Variants in AGAP2 observed in about 807,000 individuals in gnomAD.
AGAP2 encodes the protein arf-GAP with GTPase, ANK repeat and PH domain-containing protein 2.
AGAP2 carries 32 observed loss-of-function variants against 110.9 expected under a neutral mutation model. The ratio of observed to expected loss-of-function variants is 0.29; its 90% CI spans 0.22 to 0.39. AGAP2 has a LOEUF of 0.39. AGAP2 is among the 10% of genes least tolerant of loss of function. The pLI, the probability that AGAP2 is intolerant of heterozygous loss-of-function variation, is 1.00. For synonymous variants in AGAP2, 702 were observed against 713.0 expected (o/e 0.98, Z 0.25); for missense variants, 1,285 against 1,638.5 (o/e 0.78, Z 3.72).
rs909797062 is a variant in AGAP2, at chr12:57,735,353, G to C, written c.1227+16C>G. ...AGGTCAGCCTTCCCTATAGGCAAGG[G>C]GACTGGGTTACCTACCAGGCGCAGT... is the stretch of plus-strand genomic sequence containing the variant. On this transcript the variant is annotated intron_variant, in intron 2 of 18. Coordinates refer to ENST00000547588, the MANE Select transcript of AGAP2 (RefSeq NM_001122772.3). 6.2e-7 allele frequency: 1 copy of C among 1,613,572 alleles called. No individual in the cohort carries two copies. Among genetic ancestry groups the C allele is most frequent in the Non-Finnish European group, 8.5e-7 (1 of 1,179,722 alleles).
chr12:57,741,953 T>C, upstream of AGAP2: 1 of 1,614,140 alleles, frequency 6.2e-7, no homozygotes, highest in Non-Finnish European at 8.5e-7. Flanking sequence ...GTCCTGGAGT[T>C]CGGGGTCGTC....
rs930003620 is a variant in AGAP2, at chr12:57,732,968, C to G, written c.1561G>C (p.Ala521Pro). Residue 521 changes from alanine (A) to proline (P), a missense_variant, in exon 6 of 19, where the codon GCT (alanine) becomes CCT (proline). By Grantham distance (27) the Ala-to-Pro change is conservative (BLOSUM62 -1). Transcript: ENST00000547588. The stretch of plus-strand genomic sequence containing the variant: ...TCTCCCACCACCCGAGGGGAGGAAG[C>G]ACTGATCCTGTCTGAGGGGACAGGA... ...ALVGTQDRISASSPRVVGDAR... is the reference protein window; with the variant it reads ...ALVGTQDRISPSSPRVVGDAR... 1 of 1,613,982 alleles carries G rather than the reference C, an allele frequency of 6.2e-7. No homozygotes were observed. Among genetic ancestry groups the G allele is most frequent in the Admixed American group, 1.7e-5 (1 of 60,024 alleles).
rs754758960 is a variant in AGAP2, at chr12:57,727,662, G to A, written c.2857+19C>T. On this transcript the variant is annotated intron_variant, in intron 16 of 18. Coordinates refer to ENST00000547588, the MANE Select transcript of AGAP2 (RefSeq NM_001122772.3). ...ATTCACTACACTCCCTAGCCCCTCCGCTGCCTCCTGGCACTCACTGGGGGC... is the reference window on the plus strand; with the variant it reads ...ATTCACTACACTCCCTAGCCCCTCCACTGCCTCCTGGCACTCACTGGGGGC... The A allele has an allele frequency of 1.4e-5, 23 of 1,598,210 alleles. No individual in the cohort carries two copies. Among genetic ancestry groups the A allele is most frequent in the South Asian group, 2.2e-5 (2 of 89,528 alleles).
At chr12:57,731,768 G>A in intron 8 of AGAP2, 41 bp downstream of exon 8, 1 of 1,558,450 alleles carries the variant, frequency 6.4e-7, no homozygotes, top group Non-Finnish European at 8.7e-7. Context: ...GCAGGTCATG[G>A]GGGACAGGAG....
intron 2 of AGAP2, 44 bp downstream of exon 2, chr12:57,735,325 G>A: frequency 2.6e-6 from 4 of 1,565,512 alleles, no homozygotes; most frequent in African/African-American, 1.4e-5. Flanking sequence ...TGCAGTGGGT[G>A]GGAGGTCAGC....
In AGAP2 at chr12:57,727,530, A is replaced by G. The variant is rs1954794358; in HGVS notation, c.2910T>C (p.Ser970=). Residue 970 remains serine, a synonymous_variant, in exon 17 of 19, where the codon TCT becomes TCC. Transcript: ENST00000547588. ...GTGTGCCCAGGTTGCGGTGGATGCC[A>G]GAACACTCGATGCAGATGAGGGCGC... ...NLGALICIEC[S]GIHRNLGTHL... 6.2e-7 allele frequency: 1 copy of G among 1,612,496 alleles called. No individual in the cohort carries two copies. Among genetic ancestry groups the G allele is most frequent in the South Asian group, 1.1e-5 (1 of 90,994 alleles).
Position 57,737,991 on chromosome 12 carries a change from C to G in AGAP2, c.256G>C (p.Gly86Arg), listed in dbSNP as rs1280432156. 8.2e-6 allele frequency: 12 copies of G among 1,456,660 alleles called. No individual in the cohort carries two copies. The highest frequency in any genetic ancestry group is 1.1e-5 in the Non-Finnish European group (12 of 1,111,094). 90.2% of individuals were successfully genotyped at this position (1,456,660 alleles called of 1,614,324 possible). The change falls in exon 1 of 19, where the codon GGG (glycine) becomes CGG (arginine). Residue 86 changes from glycine (G) to arginine (R), a missense_variant. Coordinates refer to ENST00000547588, the MANE Select transcript of AGAP2 (RefSeq NM_001122772.3). The surrounding 1 kb of genome is among the most constrained non-coding windows in gnomAD (Gnocchi z 5.9). ...GACAGGGCTGGGGGCTCCGCGCCCC[C>G]GGTGCCCGCGCTGCTCGTGCTGATC... is the stretch of plus-strand genomic sequence containing the variant. ...LWISTSSAGTGGAEPPALSPA... is the reference protein window; with the variant it reads ...LWISTSSAGTRGAEPPALSPA...
rs953514533 is a variant in AGAP2 at position 57,737,064 on chromosome 12, C to T, written c.1168+15G>A. On this transcript the variant is annotated intron_variant, in intron 1 of 18. Transcript: ENST00000547588. This position sits in a 1 kb window ranked among gnomAD's most constrained non-coding sequence, Gnocchi z 5.9. Reference sequence around the variant, plus strand: ...TACCCTTCCCTCCCTGTTCTCAAGCCCTGACTCAACTCACTAGGGGAAGCG... The same window carrying T: ...TACCCTTCCCTCCCTGTTCTCAAGCTCTGACTCAACTCACTAGGGGAAGCG... The T allele has an allele frequency of 4.0e-6, 6 of 1,501,368 alleles. No individual in the cohort carries two copies. The highest frequency in any genetic ancestry group is 5.3e-6 in the Non-Finnish European group (6 of 1,125,318). 93.0% of individuals were successfully genotyped at this position (1,501,368 alleles called of 1,614,324 possible). A position where few individuals can be genotyped will look rare whatever the true frequency, so the allele number is the denominator to read the frequency against.
In AGAP2 at chr12:57,726,381, G is replaced by C; in HGVS notation, c.*171C>G. On this transcript the variant is annotated 3_prime_UTR_variant, in exon 19 of 19. Coordinates refer to ENST00000547588, the MANE Select transcript of AGAP2 (RefSeq NM_001122772.3). This position sits in a 1 kb window ranked among gnomAD's most constrained non-coding sequence, Gnocchi z 5.7. ...CATGCCTCGTTGGGGAGAGGGAGGT[G>C]AGTTTGTGTCTTCTGGAAGGCGTGG... 2 of 519,922 alleles carry C rather than the reference G, an allele frequency of 3.8e-6. No individual in the cohort carries two copies. Among genetic ancestry groups the C allele is most frequent in the Non-Finnish European group, 5.5e-6 (2 of 365,954 alleles). 32.2% of individuals were successfully genotyped at this position (519,922 alleles called of 1,614,324 possible).
At position 57,737,308 on chromosome 12, in the gene AGAP2, G is replaced by A; in HGVS notation, c.939C>T (p.Pro313=). 3 of 1,613,742 alleles carry A rather than the reference G, an allele frequency of 1.9e-6. No individual in the cohort carries two copies. Among genetic ancestry groups the A allele is most frequent in the African/African-American group, 1.3e-5 (1 of 75,048 alleles). The change falls in exon 1 of 19, where the codon CCC becomes CCT. Residue 313 remains proline (P), a synonymous_variant. Transcript: ENST00000547588. This position sits in a 1 kb window ranked among gnomAD's most constrained non-coding sequence, Gnocchi z 5.9. ...TAVTAASAQP[P]GPAPPITLEP... ...CCAGAGTGATTGGAGGTGCAGGCCC[G>A]GGGGGCTGCGCGGAAGCAGCGGTGA...
chr12:57,728,627 G>A (rs1056605543), intron 13 of AGAP2, among the ~76,000 whole-genome samples: 4 of 152,316 alleles, frequency 2.6e-5, no homozygotes, highest in East Asian at 1.9e-4. Context: ...CTGAGCACCC[G>A]GCAGAGAGCA....
chr12:57,726,402 C>G lies in AGAP2; in HGVS notation c.*150G>C, dbSNP rs1676138068. On this transcript the variant is annotated 3_prime_UTR_variant, in exon 19 of 19. Transcript: ENST00000547588. This position sits in a 1 kb window ranked among gnomAD's most constrained non-coding sequence, Gnocchi z 5.7. ...AGGTGAGTTTGTGTCTTCTGGAAGG[C>G]GTGGGGGCTGTGCCCTCGTGGGGGT... The G allele has an allele frequency of 1.4e-6, 1 of 736,776 alleles. No individual in the cohort carries two copies. The highest frequency in any genetic ancestry group is 6.6e-5 in the South Asian group (1 of 15,098). The allele number at this position is 736,776 out of a possible 1,614,324, so 45.6% of individuals were successfully genotyped here.
At chr12:57,734,519 C>G (rs910581655) in intron 3 of AGAP2, 73 bp downstream of exon 3, 2 of 1,591,410 alleles carry the variant, frequency 1.3e-6, no homozygotes, top group African/African-American at 2.7e-5. Flanking sequence ...GTCTCCACAC[C>G]TGCCTAATCA....
intron 6 of AGAP2, 44 bp from the exon 7 acceptor site, chr12:57,732,556 C>T (rs775677939): frequency 2.0e-6 from 3 of 1,514,228 alleles, no homozygotes; most frequent in South Asian, 2.4e-5. Flanking sequence ...GCCAGATACC[C>T]AAGACCACCC....
In AGAP2 at chr12:57,737,794, G is replaced by T. The variant is rs1197295606; in HGVS notation, c.453C>A (p.Gly151=). Residue 151 remains glycine, a synonymous_variant, in exon 1 of 19, where the codon GGC becomes GGA. Transcript: ENST00000547588. The surrounding 1 kb of genome is among the most constrained non-coding windows in gnomAD (Gnocchi z 5.9). ...CCGCCCGGCCTTCGGGCTCCGGGCC[G>T]CCCCAGCTCGGGCTGCTGAGCAGGG... ...RRPLLSSPSW[G]GPEPEGRAGG... 1 of 1,527,578 alleles carries T rather than the reference G, an allele frequency of 6.5e-7. No individual in the cohort carries two copies. The highest frequency in any genetic ancestry group is 8.7e-7 in the Non-Finnish European group (1 of 1,143,486). 94.6% of individuals were successfully genotyped at this position (1,527,578 alleles called of 1,614,324 possible). A position where few individuals can be genotyped will look rare whatever the true frequency, so the allele number is the denominator to read the frequency against.
At position 57,737,320 on chromosome 12, in the gene AGAP2, G is replaced by A; in HGVS notation, c.927C>T (p.Ser309=). Reference sequence around the variant, plus strand: ...GAGGTGCAGGCCCGGGGGGCTGCGCGGAAGCAGCGGTGACAGCAGTGGCTG... The same window carrying A: ...GAGGTGCAGGCCCGGGGGGCTGCGCAGAAGCAGCGGTGACAGCAGTGGCTG... The part of the protein sequence containing the change: ...PSPATAVTAA[S]AQPPGPAPPI... Residue 309 remains serine (S), a synonymous_variant, in exon 1 of 19, where the codon TCC becomes TCT. Transcript: ENST00000547588. The surrounding 1 kb of genome is among the most constrained non-coding windows in gnomAD (Gnocchi z 5.9). 2 of 1,613,848 alleles carry A rather than the reference G, an allele frequency of 1.2e-6. No homozygotes were observed. Among genetic ancestry groups the A allele is most frequent in the African/African-American group, 2.7e-5 (2 of 75,070 alleles).
chr12:57,738,633 T>A lies in AGAP2; in HGVS notation c.-387A>T, dbSNP rs1955036307. Among the ~76,000 whole-genome samples the A allele has an allele frequency of 6.7e-6, 1 of 149,498 alleles. No homozygotes were observed. The highest frequency in any genetic ancestry group is 2.5e-5 in the African/African-American group (1 of 40,210). ...GGGAGCAGAAAAGGGGACCGGAGGC[T>A]AGGGGAAACGAACCTGTGCGGGGGA... On this transcript the variant is annotated 5_prime_UTR_variant, in exon 1 of 19. Transcript: ENST00000547588. This position sits in a 1 kb window ranked among gnomAD's most constrained non-coding sequence, Gnocchi z 6.7.
chr12:57,736,818 G>A (rs1954990933), intron 1 of AGAP2, among the ~76,000 whole-genome samples: 1 of 152,156 alleles, frequency 6.6e-6, no homozygotes, highest in African/African-American at 2.4e-5. Flanking sequence ...TAGTCACTCT[G>A]ATCAAGGACG....
intron 12 of AGAP2, 22 bp downstream of exon 12, chr12:57,730,473 A>G (rs779420224): frequency 3.7e-5 from 60 of 1,612,966 alleles, no homozygotes; most frequent in Non-Finnish European, 4.8e-5. Context: ...AAGACAGCAG[A>G]TGGAAGGTCA....
Sources: gnomAD v4.1 joint callset for allele counts (sites outside exome capture counted in the v4.1 genomes callset) on GRCh38, gnomAD v4.1.1 for gene constraint, Gnocchi (gnomAD v3.1) non-coding constraint, MANE v1.5 for transcripts, NCBI Gene and HGNC (gene_info 2026-07-23, HGNC 2026-07-21) for gene names.